Variants in NRF1 observed in about 807,000 individuals in gnomAD.
The protein encoded by NRF1 is nuclear respiratory factor 1.
Under a neutral mutation model 58.5 loss-of-function variants are expected in NRF1, and 5 were observed. The observed-to-expected ratio is 0.09, with a 90% CI of 0.04 to 0.18. The LOEUF (loss-of-function observed/expected upper bound fraction) is 0.18, where lower values mean the gene tolerates loss of function less well. Among genes scored for constraint, NRF1 ranks in the 10% least tolerant of loss-of-function variants. The pLI is 1.00. For missense variants in NRF1, 288 were observed against 657.7 expected, an observed-to-expected ratio of 0.44 and a Z score of 6.15; for synonymous variants, 224 against 246.7, an observed-to-expected ratio of 0.91 and a Z score of 0.86.
At chr7:129,733,471 A>G (rs1258066287) in intron 10 of NRF1, among the ~76,000 whole-genome samples, 1 of 151,860 alleles carries the variant, frequency 6.6e-6, no homozygotes, top group African/African-American at 2.4e-5. Context: ...GTCTCAAAAA[A>G]AAAAAAGAAA....
Position 129,625,962 on chromosome 7 carries a change from A to G in NRF1, c.-7+14138A>G, listed in dbSNP as rs191119892. Among the ~76,000 whole-genome samples, 204 of 152,156 alleles carry G rather than the reference A, an allele frequency of 1.3e-3. 1 individual carries two copies. The highest frequency in any genetic ancestry group is 8.5e-3 in the South Asian group (41 of 4,816). ...CTCCCAAAGTGCTGGGATTACAAGC[A>G]TGAGCCACCACACCCAGCCCCATGT... is the stretch of plus-strand genomic sequence containing the variant. On this transcript the variant is annotated intron_variant, in intron 1 of 10. Transcript: ENST00000393232.
At chr7:129,613,967 A>G (rs925146338) in intron 1 of NRF1, among the ~76,000 whole-genome samples, 2 of 152,090 alleles carry the variant, frequency 1.3e-5, no homozygotes, top group African/African-American at 4.8e-5. Flanking sequence ...GCCCATCCTT[A>G]TTTGAAGTCC....
chr7:129,652,394 A>T (rs1801556808), intron 1 of NRF1, among the ~76,000 whole-genome samples: 2 of 152,168 alleles, frequency 1.3e-5, no homozygotes, highest in Admixed American at 6.5e-5. Context: ...CAACTGAAGC[A>T]CTCAGCTTTT....
intron 2 of NRF1, among the ~76,000 whole-genome samples, chr7:129,662,902 G>A (rs1475983785): frequency 2.6e-5 from 4 of 152,158 alleles, no homozygotes; most frequent in East Asian, 1.9e-4. Context: ...AGGTCCCTGC[G>A]GCCTTCGGCC....
intron 5 of NRF1, among the ~76,000 whole-genome samples, chr7:129,707,155 G>T (rs557328523): frequency 6.6e-6 from 1 of 151,946 alleles, no homozygotes; most frequent in Non-Finnish European, 1.5e-5. Flanking sequence ...CACTGTAACC[G>T]ACTGAGTTTT....
chr7:129,673,838 AAT>A (rs956793633), intron 3 of NRF1, among the ~76,000 whole-genome samples: 1 of 151,186 alleles, frequency 6.6e-6, no homozygotes, highest in African/African-American at 2.4e-5. Flanking sequence ...ATTAAAAAAA[AAT>A]TTTTTTAAGC....
intron 1 of NRF1, among the ~76,000 whole-genome samples, chr7:129,646,087 T>G (rs1801399520): frequency 6.6e-6 from 1 of 152,184 alleles, no homozygotes; most frequent in Non-Finnish European, 1.5e-5. Context: ...TGACCTCAGC[T>G]GATCCACCTG....
intron 10 of NRF1, among the ~76,000 whole-genome samples, chr7:129,737,614 T>C (rs1338025212): frequency 6.6e-6 from 1 of 152,184 alleles, no homozygotes; most frequent in Admixed American, 6.5e-5. Context: ...CATCAGTATA[T>C]GGGCTTGTTC....
intron 1 of NRF1, among the ~76,000 whole-genome samples, chr7:129,650,910 G>A (rs1253517592): frequency 6.6e-6 from 1 of 152,132 alleles, no homozygotes; most frequent in Non-Finnish European, 1.5e-5. Flanking sequence ...CCTCATGGAG[G>A]AAAGCTAAAA....
At chr7:129,721,359 T>G (rs1273058296) in intron 9 of NRF1, among the ~76,000 whole-genome samples, 1 of 152,074 alleles carries the variant, frequency 6.6e-6, no homozygotes, top group Non-Finnish European at 1.5e-5. Context: ...TGTGACTCAG[T>G]GCTATGGGGA....
rs1014637054 is a variant in NRF1, at chr7:129,640,498, A to C, written c.-6-16848A>C. On this transcript the variant is annotated intron_variant, in intron 1 of 10. Coordinates refer to ENST00000393232, the MANE Select transcript of NRF1 (RefSeq NM_005011.5). ...GCACTCCAGCCTAGGTGATTGAGTG[A>C]GACCCTGTCTCTTAAAAGACAAAAC... Among the ~76,000 whole-genome samples, 5 of 152,278 alleles carry C rather than the reference A, an allele frequency of 3.3e-5. No homozygotes were observed. In the East Asian group the frequency reaches 5.8e-4, roughly 18 times the overall value.
intron 1 of NRF1, among the ~76,000 whole-genome samples, chr7:129,634,554 T>C (rs1483880984): frequency 6.6e-6 from 1 of 152,214 alleles, no homozygotes; most frequent in Admixed American, 6.5e-5. Context: ...TATTTCACTG[T>C]ATGGATGTAC....
At chr7:129,619,737 T>G (rs1346741309) in intron 1 of NRF1, among the ~76,000 whole-genome samples, 1 of 18,080 alleles carries the variant, frequency 5.5e-5, no homozygotes, top group Non-Finnish European at 1.3e-4. Context: ...GTTTGGGTTG[T>G]TTTTTTTTTT....
At chr7:129,646,099 C>T (rs1801400087) in intron 1 of NRF1, among the ~76,000 whole-genome samples, 1 of 152,174 alleles carries the variant, frequency 6.6e-6, no homozygotes, top group African/African-American at 2.4e-5. Flanking sequence ...ATCCACCTGC[C>T]TCCCAAGGTG....
chr7:129,744,130 C>CTTTT (rs35034726), intron 10 of NRF1: 2,271 of 1,209,790 alleles, frequency 1.9e-3, no homozygotes, highest in East Asian at 2.4e-3. Flanking sequence ...TTGCCCGGTG[C>CTTTT]TTTTTTTTTT....
At chr7:129,620,388 CTTTTTTT>C (rs10714338) in intron 1 of NRF1, among the ~76,000 whole-genome samples, 1 of 132,600 alleles carries the variant, frequency 7.5e-6, no homozygotes, top group Non-Finnish European at 1.6e-5. Context: ...AATCAAATCA[CTTTTTTT>C]TTTTTTTTTT....
At chr7:129,683,484 C>G (rs1802375172) in intron 4 of NRF1, among the ~76,000 whole-genome samples, 1 of 151,436 alleles carries the variant, frequency 6.6e-6, no homozygotes. Context: ...TGCGTGCCAC[C>G]ATGCCCGGCT....
chr7:129,702,138 T>C (rs1349901067), intron 5 of NRF1, among the ~76,000 whole-genome samples: 1 of 152,200 alleles, frequency 6.6e-6, no homozygotes. Flanking sequence ...CAAAGAGGAC[T>C]TTGACTTTAT....
At chr7:129,728,513 T>C (rs1803505161) in intron 10 of NRF1, among the ~76,000 whole-genome samples, 1 of 133,668 alleles carries the variant, frequency 7.5e-6, no homozygotes, top group Non-Finnish European at 1.6e-5. Context: ...GGAATGAGGA[T>C]AGATAAATAA....
Sources: allele counts gnomAD v4.1 joint callset (sites outside exome capture counted in the v4.1 genomes callset), GRCh38; gene constraint gnomAD v4.1.1; transcripts MANE v1.5; gene names NCBI Gene and HGNC (gene_info 2026-07-23, HGNC 2026-07-21).